Variants in PCDHGA8 observed in about 807,000 individuals in gnomAD.
PCDHGA8 encodes the protein protocadherin gamma subfamily A, 8.
Under a neutral mutation model 59.2 loss-of-function variants are expected in PCDHGA8, and 45 were observed. That is an observed-to-expected ratio of 0.76 (90% CI 0.60 to 0.98). PCDHGA8 has a LOEUF of 0.98. Among genes scored for constraint, PCDHGA8 ranks in the 50% least tolerant of loss-of-function variants. The pLI is 0.00. For missense variants in PCDHGA8, 1,257 were observed against 1,196.2 expected, an observed-to-expected ratio of 1.05 and a Z score of -0.75; for synonymous variants, 531 against 519.0, an observed-to-expected ratio of 1.02 and a Z score of -0.32.
rs1031624761 is a variant in PCDHGA8 at position 141,433,138 on chromosome 5, G to A, written c.2424+37901G>A. The A allele has an allele frequency of 2.5e-6, 4 of 1,614,038 alleles. No individual in the cohort carries two copies. In the Admixed American group the frequency reaches 6.7e-5, roughly 27 times the overall value. On this transcript the variant is annotated intron_variant, in intron 1 of 3. Coordinates refer to ENST00000398604, the MANE Select transcript of PCDHGA8 (RefSeq NM_032088.2). ...TTGAAAAAAGCGAGCCCCTTTTGCT[G>A]TCAGGTGATTCGGTATTTTCTAAAG...
In PCDHGA8 at chr5:141,393,378, G is replaced by A. The variant is rs1207426335; in HGVS notation, c.565G>A (p.Ala189Thr). Residue 189 changes from alanine to threonine, a missense_variant, in exon 1 of 4, where the codon GCC (alanine) becomes ACC (threonine). By Grantham distance (58) the Ala-to-Thr change is moderately conservative (BLOSUM62 0). Coordinates refer to ENST00000398604, the MANE Select transcript of PCDHGA8 (RefSeq NM_032088.2). The part of the protein sequence containing the change: ...SLDVQTGDNG[A>T]INPELVLERA... ...GGACGTGCAGACTGGAGACAATGGA[G>A]CCATAAACCCAGAGCTGGTGCTGGA... The A allele has an allele frequency of 1.9e-6, 3 of 1,613,982 alleles. No individual in the cohort carries two copies. The highest frequency in any genetic ancestry group is 2.2e-5 in the East Asian group (1 of 44,866).
In PCDHGA8 at chr5:141,490,673, C is replaced by T; in HGVS notation, c.2425-4134C>T. ...GGCTCCCTTCTTTGCACTGTGGCTG[C>T]CTCAGATCCAGACACTGGGGATAAT... On this transcript the variant is annotated intron_variant, in intron 1 of 3. Coordinates refer to ENST00000398604, the MANE Select transcript of PCDHGA8 (RefSeq NM_032088.2). This position sits in a 1 kb window ranked among gnomAD's most constrained non-coding sequence, Gnocchi z 5.4. 1.2e-6 allele frequency: 2 copies of T among 1,614,126 alleles called. No homozygotes were observed. The highest frequency in any genetic ancestry group is 1.7e-6 in the Non-Finnish European group (2 of 1,179,952).
intron 1 of PCDHGA8, chr5:141,479,269 A>G (rs1279389471): frequency 6.6e-6 from 1 of 152,374 alleles, no homozygotes; most frequent in African/African-American, 2.4e-5. Flanking sequence ...TAAAAGTAAT[A>G]ATTTATTTCA....
intron 1 of PCDHGA8, chr5:141,479,186 T>C (rs956575218): frequency 3.3e-5 from 5 of 152,590 alleles, no homozygotes; most frequent in Admixed American, 3.3e-4. Flanking sequence ...GCTAGAAAAT[T>C]CAGAAAATAC....
intron 1 of PCDHGA8, chr5:141,398,765 C>T (rs2093700875): frequency 6.2e-7 from 1 of 1,613,944 alleles, no homozygotes. Flanking sequence ...TTAGTCCTGA[C>T]TGCCTTGGAC....
At chr5:141,428,021 C>G (rs1185050109) in intron 1 of PCDHGA8, 1 of 1,605,486 alleles carries the variant, frequency 6.2e-7, no homozygotes, top group Admixed American at 1.7e-5. Flanking sequence ...TGCCACGCGC[C>G]GCAGAGTCCG....
rs556656447 is a variant in PCDHGA8 at position 141,500,319 on chromosome 5, C to CT, written c.2484-5073dup. Among the ~76,000 whole-genome samples the CT allele has an allele frequency of 2.6e-5, 4 of 152,122 alleles. No homozygotes were observed. The South Asian group carries it at 8.3e-4, about 32-fold the overall frequency. Reference sequence around the variant, plus strand: ...CGCCTCCCAGGTTCACGCCATGCTCCTGCCTCAGCCTCCAGAATAGCTGGG... The same window carrying CT: ...CGCCTCCCAGGTTCACGCCATGCTCCTTGCCTCAGCCTCCAGAATAGCTGGG... On this transcript the variant is annotated intron_variant, in intron 2 of 3. Coordinates refer to ENST00000398604, the MANE Select transcript of PCDHGA8 (RefSeq NM_032088.2).
rs779006100 is a variant in PCDHGA8 at position 141,394,260 on chromosome 5, G to A, written c.1447G>A (p.Glu483Lys). ...GACTGCACACGACCCCGACAGCCAG[G>A]AGAATGCCCAGGTCACTTACTCTGT... is the stretch of plus-strand genomic sequence containing the variant. ...SLTAHDPDSQENAQVTYSVTE... is the reference protein window; with the variant it reads ...SLTAHDPDSQKNAQVTYSVTE... Residue 483 changes from glutamate (E) to lysine (K), a missense_variant, in exon 1 of 4, where the codon GAG (glutamate) becomes AAG (lysine). Physicochemically the swap from Glu to Lys is moderately conservative, Grantham distance 56 (BLOSUM62 1). Transcript: ENST00000398604. 1.2e-6 allele frequency: 2 copies of A among 1,613,802 alleles called. No homozygotes were observed. Among genetic ancestry groups the A allele is most frequent in the African/African-American group, 2.7e-5 (2 of 74,902 alleles).
In PCDHGA8 at chr5:141,485,457, T is replaced by G; in HGVS notation, c.2425-9350T>G. 1 of 1,614,124 alleles carries G rather than the reference T, an allele frequency of 6.2e-7. No individual in the cohort carries two copies. Among genetic ancestry groups the G allele is most frequent in the Non-Finnish European group, 8.5e-7 (1 of 1,180,020 alleles). On this transcript the variant is annotated intron_variant, in intron 1 of 3. Coordinates refer to ENST00000398604, the MANE Select transcript of PCDHGA8 (RefSeq NM_032088.2). This position sits in a 1 kb window ranked among gnomAD's most constrained non-coding sequence, Gnocchi z 5.7. ...AAGAACCCAATCGACCGAGAGGCAC[T>G]GTGTGGGCTCAGTGCCAGCTGCATC...
intron 2 of PCDHGA8, among the ~76,000 whole-genome samples, chr5:141,500,359 C>T (rs2099799599): frequency 6.6e-6 from 1 of 152,032 alleles, no homozygotes; most frequent in Non-Finnish European, 1.5e-5. Flanking sequence ...CAGGCGCCCA[C>T]TACCACGCCC....
chr5:141,482,546 A>C (rs1489817593), intron 1 of PCDHGA8, among the ~76,000 whole-genome samples: 1 of 151,868 alleles, frequency 6.6e-6, no homozygotes, highest in African/African-American at 2.4e-5. Context: ...AAAAAAAAAA[A>C]AAAGATAATG....
chr5:141,489,470 T>C lies in PCDHGA8; in HGVS notation c.2425-5337T>C, dbSNP rs1030378524. 1 of 1,613,874 alleles carries C rather than the reference T, an allele frequency of 6.2e-7. No homozygotes were observed. The highest frequency in any genetic ancestry group is 8.5e-7 in the Non-Finnish European group (1 of 1,179,838). ...GAGGAGAATGGGCGCTATTTTTCCCTGAGCTTGATGAGTGGTGCCCTGGCA... is the reference window on the plus strand; with the variant it reads ...GAGGAGAATGGGCGCTATTTTTCCCCGAGCTTGATGAGTGGTGCCCTGGCA... On this transcript the variant is annotated intron_variant, in intron 1 of 3. Transcript: ENST00000398604. This position sits in a 1 kb window ranked among gnomAD's most constrained non-coding sequence, Gnocchi z 4.5.
chr5:141,449,584 G>C (rs2098645697), intron 1 of PCDHGA8, among the ~76,000 whole-genome samples: 1 of 123,190 alleles, frequency 8.1e-6, no homozygotes, highest in South Asian at 2.5e-4. Context: ...GCAAGACTCT[G>C]TCTCAAAAAA....
Position 141,485,151 on chromosome 5 carries a change from T to C in PCDHGA8, c.2425-9656T>C, listed in dbSNP as rs1191585056. 1.0e-5 allele frequency: 16 copies of C among 1,584,876 alleles called. No homozygotes were observed. Among genetic ancestry groups the C allele is most frequent in the Non-Finnish European group, 1.3e-5 (15 of 1,156,528 alleles). On this transcript the variant is annotated intron_variant, in intron 1 of 3. Coordinates refer to ENST00000398604, the MANE Select transcript of PCDHGA8 (RefSeq NM_032088.2). This position sits in a 1 kb window ranked among gnomAD's most constrained non-coding sequence, Gnocchi z 5.7. ...GCTTCATCCGCGTCTCAGGAGCAAG[T>C]AGAGAATTAGCGGGCGGCAGCAATG...
intron 1 of PCDHGA8, chr5:141,399,277 G>T: frequency 6.2e-7 from 1 of 1,613,890 alleles, no homozygotes; most frequent in Non-Finnish European, 8.5e-7. Flanking sequence ...TCAATTACAA[G>T]GCGAAGTCCC....
Position 141,431,260 on chromosome 5 carries a change from G to C in PCDHGA8, c.2424+36023G>C, listed in dbSNP as rs762250032. On this transcript the variant is annotated intron_variant, in intron 1 of 3. Coordinates refer to ENST00000398604, the MANE Select transcript of PCDHGA8 (RefSeq NM_032088.2). The surrounding 1 kb of genome is among the most constrained non-coding windows in gnomAD (Gnocchi z 4.8). The stretch of plus-strand genomic sequence containing the variant: ...ATCCGGATATCGGGAAGAACTCTCT[G>C]CAGAGCTACGAGCTCAGCCCGAACA... 6.2e-7 allele frequency: 1 copy of C among 1,614,170 alleles called. No homozygotes were observed. Among genetic ancestry groups the C allele is most frequent in the Non-Finnish European group, 8.5e-7 (1 of 1,180,052 alleles).
chr5:141,475,823 T>C (rs2099373850), intron 1 of PCDHGA8: 1 of 360,288 alleles, frequency 2.8e-6, no homozygotes, highest in Non-Finnish European at 5.0e-6. Context: ...TTCCTGGCGC[T>C]AGCGCGTGTC....
chr5:141,469,395 T>G lies in PCDHGA8; in HGVS notation c.2425-25412T>G, dbSNP rs1332746609. ...ATCGAGACCATCCTGGCCAACATGG[T>G]GAAACCCCGTTTCTACTAAAAATAT... On this transcript the variant is annotated intron_variant, in intron 1 of 3. Transcript: ENST00000398604. Among the ~76,000 whole-genome samples, 6 of 152,194 alleles carry G rather than the reference T, an allele frequency of 3.9e-5. No homozygotes were observed. The East Asian group carries it at 1.2e-3, about 29-fold the overall frequency.
chr5:141,413,386 G>A (rs757396075), intron 1 of PCDHGA8: 6 of 1,613,884 alleles, frequency 3.7e-6, no homozygotes, highest in African/African-American at 1.3e-5. Context: ...AGTCCGCATA[G>A]TCTCCAGAGG....
Sources: gnomAD v4.1 joint callset for allele counts (sites outside exome capture counted in the v4.1 genomes callset) on GRCh38, gnomAD v4.1.1 for gene constraint, Gnocchi (gnomAD v3.1) non-coding constraint, MANE v1.5 for transcripts, NCBI Gene and HGNC (gene_info 2026-07-23, HGNC 2026-07-21) for gene names.